Variants in C9orf50 observed in about 807,000 individuals in gnomAD.
C9orf50 encodes chromosome 9 open reading frame 50.
C9orf50 carries 33 observed loss-of-function variants against 42.5 expected under a neutral mutation model. The observed-to-expected ratio is 0.78, with a 90% confidence interval of 0.59 to 1.04. The LOEUF (loss-of-function observed/expected upper bound fraction) is 1.04, where lower values mean the gene tolerates loss of function less well. Ranked by LOEUF, C9orf50 falls within the 50% of genes least tolerant of loss-of-function variation. The probability of loss-of-function intolerance (pLI) is 0.00; values close to 1 mark genes in which losing one functional copy is unlikely to be tolerated. For synonymous variants in C9orf50, 257 were observed against 273.4 expected, an observed-to-expected ratio of 0.94 and a Z score of 0.59; for missense variants, 547 against 594.3, an observed-to-expected ratio of 0.92 and a Z score of 0.83.
rs533356766 is a variant in C9orf50, at chr9:129,614,150, A to G, written c.881-553T>C. Among the ~76,000 whole-genome samples the G allele has an allele frequency of 3.9e-5, 6 of 152,252 alleles. No homozygotes were observed. Among genetic ancestry groups the G allele is most frequent in the African/African-American group, 1.2e-4 (5 of 41,556 alleles). On this transcript the variant is annotated intron_variant, in intron 4 of 6. Coordinates refer to ENST00000372478, the Ensembl canonical transcript of C9orf50. The surrounding 1 kb of genome is among the most constrained non-coding windows in gnomAD (Gnocchi z 4.4). ...CCTGTATGCACCAACTGCCATTCAC[A>G]TGAAATTGTTTCTCTTGGGCTTGTC...
chr9:129,620,340 G>T lies in C9orf50; in HGVS notation c.235C>A (p.Arg79Ser). ...GTCGCGGTGAGCAAGGCGGGCAGGCGCGGCGGGAGGCGTCCGACGCCCACC... is the reference window on the plus strand; with the variant it reads ...GTCGCGGTGAGCAAGGCGGGCAGGCTCGGCGGGAGGCGTCCGACGCCCACC... Residue 79 changes from arginine to serine, a missense_variant, in exon 1 of 7, where the codon CGC becomes AGC. By Grantham distance (110) the Arg-to-Ser change is moderately radical. This residue lies in a region of C9orf50 where 108 missense variants were observed against 172.1 expected (regional missense o/e 0.63). Transcript: ENST00000372478. This position sits in a 1 kb window ranked among gnomAD's most constrained non-coding sequence, Gnocchi z 5.8. The T allele has an allele frequency of 8.1e-7, 1 of 1,229,710 alleles. No homozygotes were observed. The allele number at this position is 1,229,710 out of a possible 1,614,324, so 76.2% of individuals were successfully genotyped here. A position where few individuals can be genotyped will look rare whatever the true frequency, so the allele number is the denominator to read the frequency against.
chr9:129,617,350 GCT>G (rs1830442392), intron 3 of C9orf50, among the ~76,000 whole-genome samples: 1 of 152,200 alleles, frequency 6.6e-6, no homozygotes, highest in Non-Finnish European at 1.5e-5. Flanking sequence ...AGGAACCCCT[GCT>G]CTCTGCTGGC....
intron 3 of C9orf50, among the ~76,000 whole-genome samples, chr9:129,616,596 A>G (rs746581607): frequency 4.6e-5 from 7 of 152,086 alleles, no homozygotes; most frequent in Non-Finnish European, 7.4e-5. Context: ...GACTGTCTCC[A>G]AGTCTCCATT....
At position 129,619,499 on chromosome 9, in the gene C9orf50, C is replaced by T. The variant is rs1830561771; in HGVS notation, c.716+21G>A. The T allele has an allele frequency of 3.8e-6, 6 of 1,573,238 alleles. No homozygotes were observed. The East Asian group carries it at 1.3e-4, about 35-fold the overall frequency. On this transcript the variant is annotated intron_variant, in intron 3 of 6. Coordinates refer to ENST00000372478, the Ensembl canonical transcript of C9orf50. ...TGCCCCTTTCCTCCACTACCCTACCCTTATCCCGCCCATCACTCACTGGTT... is the reference window on the plus strand; with the variant it reads ...TGCCCCTTTCCTCCACTACCCTACCTTTATCCCGCCCATCACTCACTGGTT...
upstream of C9orf50, among the ~76,000 whole-genome samples, chr9:129,621,857 A>G (rs1030658726): frequency 6.6e-6 from 1 of 151,986 alleles, no homozygotes; most frequent in Non-Finnish European, 1.5e-5. Context: ...GGGGCCCTAG[A>G]AGGTCCTGTG....
chr9:129,612,532 C>T, intron 6 of C9orf50, 78 bp from the exon 7 acceptor site: 1 of 1,134,554 alleles, frequency 8.8e-7, no homozygotes, highest in Non-Finnish European at 1.3e-6. Context: ...GGATTCTGTG[C>T]TGAAGCCCTG....
chr9:129,621,072 A>G (rs1830684888), upstream of C9orf50, among the ~76,000 whole-genome samples: 1 of 152,358 alleles, frequency 6.6e-6, no homozygotes. Context: ...GCAGCCGTGA[A>G]ACGGCATCAC....
Position 129,613,652 on chromosome 9 carries a change from C to T in C9orf50, c.881-55G>A. The T allele has an allele frequency of 1.2e-6, 2 of 1,603,912 alleles. No individual in the cohort carries two copies. Among genetic ancestry groups the T allele is most frequent in the African/African-American group, 1.3e-5 (1 of 74,820 alleles). On this transcript the variant is annotated intron_variant, in intron 4 of 6. Transcript: ENST00000372478. The surrounding 1 kb of genome is among the most constrained non-coding windows in gnomAD (Gnocchi z 6.2). ...TGCCCAGGAGGAGGGCACTGGTGCC[C>T]CCACCCTCTTTTCCTCCCTCTGGCA... is the stretch of plus-strand genomic sequence containing the variant.
rs117566704 is a variant in C9orf50 at position 129,615,490 on chromosome 9, G to A, written c.874C>T (p.Arg292Cys). 278 of 1,595,138 alleles carry A rather than the reference G, an allele frequency of 1.7e-4. 2 individuals carry two copies. The African/African-American group carries it at 2.0e-3, about 12-fold the overall frequency. ...CCCCATCCTGTCTGCTTACCTGAGC[G>A]TCTGCGCTCCCAGTAGCGGAGCGTT... The change falls in exon 4 of 7, where the codon CGC (arginine) becomes TGC (cysteine). Residue 292 changes from arginine (R) to cysteine (C), a missense_variant. By Grantham distance (180) the Arg-to-Cys change is radical. This residue lies in a region of C9orf50 where 334 missense variants were observed against 323.7 expected (regional missense o/e 1.03). Transcript: ENST00000372478.
In C9orf50 at chr9:129,620,053, C is replaced by G. The variant is rs573286907; in HGVS notation, c.508+14G>C. The G allele has an allele frequency of 6.9e-7, 1 of 1,454,270 alleles. No individual in the cohort carries two copies. Among genetic ancestry groups the G allele is most frequent in the African/African-American group, 1.4e-5 (1 of 69,748 alleles). 90.1% of individuals were successfully genotyped at this position (1,454,270 alleles called of 1,614,324 possible). A position where few individuals can be genotyped will look rare whatever the true frequency, so the allele number is the denominator to read the frequency against. On this transcript the variant is annotated intron_variant, in intron 1 of 6. Transcript: ENST00000372478. This position sits in a 1 kb window ranked among gnomAD's most constrained non-coding sequence, Gnocchi z 5.8. ...ATGACTCGGGCCCGCCCCCCGGGCC[C>G]CGCGGGGCCTCACTCAGTGGCTCCG...
chr9:129,619,004 G>A (rs562406747), intron 3 of C9orf50, among the ~76,000 whole-genome samples: 3 of 151,368 alleles, frequency 2.0e-5, no homozygotes, highest in East Asian at 2.0e-4. Flanking sequence ...GTGAGCCACC[G>A]TGCCCTGCCG....
rs1019110235 is a variant in C9orf50 at position 129,613,651 on chromosome 9, C to T, written c.881-54G>A. On this transcript the variant is annotated intron_variant, in intron 4 of 6. Coordinates refer to ENST00000372478, the Ensembl canonical transcript of C9orf50. This position sits in a 1 kb window ranked among gnomAD's most constrained non-coding sequence, Gnocchi z 6.2. ...CTGCCCAGGAGGAGGGCACTGGTGC[C>T]CCCACCCTCTTTTCCTCCCTCTGGC... is the stretch of plus-strand genomic sequence containing the variant. 7 of 1,604,690 alleles carry T rather than the reference C, an allele frequency of 4.4e-6. No individual in the cohort carries two copies. The highest frequency in any genetic ancestry group is 6.0e-6 in the Non-Finnish European group (7 of 1,174,234).
chr9:129,612,323 C>A, exon 7 of C9orf50: 1 of 1,596,436 alleles, frequency 6.3e-7, no homozygotes, highest in Non-Finnish European at 8.6e-7. Context: ...CCATGTGTGC[C>A]CCTGGCCTTG....
chr9:129,619,760 A>G, exon 2 of C9orf50: 1 of 1,614,058 alleles, frequency 6.2e-7, no homozygotes, highest in Admixed American at 1.7e-5. Flanking sequence ...GGAGGAATGA[A>G]CAGTTGGGAC....
chr9:129,615,549 C>A, exon 4 of C9orf50: 1 of 1,610,660 alleles, frequency 6.2e-7, no homozygotes, highest in Non-Finnish European at 8.5e-7. Context: ...GAATCGCACC[C>A]GGAAAGGGCA....
In C9orf50 at chr9:129,613,239, C is replaced by A; in HGVS notation, c.1056G>T (p.Lys352Asn). ...TGTCCTCAGAAAGGTAGCCCTGTGT[C>A]TTCTGGGTGGACCTGGGGGAGACAG... Residue 352 changes from lysine to asparagine, a missense_variant, in exon 6 of 7, where the codon AAG becomes AAT. Around this residue, in one of 3 missense-constraint regions of C9orf50, gnomAD observed 334 missense variants for 323.7 expected, o/e 1.03. Transcript: ENST00000372478. The surrounding 1 kb of genome is among the most constrained non-coding windows in gnomAD (Gnocchi z 6.2). 1 of 1,608,376 alleles carries A rather than the reference C, an allele frequency of 6.2e-7. No individual in the cohort carries two copies.
intron 3 of C9orf50, among the ~76,000 whole-genome samples, chr9:129,617,043 G>A (rs1830427164): frequency 6.6e-6 from 1 of 151,972 alleles, no homozygotes; most frequent in Non-Finnish European, 1.5e-5. Flanking sequence ...CTCCAGCCTA[G>A]GGACGGAGTG....
chr9:129,612,792 T>A (rs1830152983), intron 6 of C9orf50, among the ~76,000 whole-genome samples: 2 of 151,952 alleles, frequency 1.3e-5, no homozygotes, highest in African/African-American at 2.4e-5. Context: ...ATTGCACCAC[T>A]GCACTCCAGC....
At chr9:129,615,965 T>G (rs1356538120) in intron 3 of C9orf50, among the ~76,000 whole-genome samples, 2 of 152,230 alleles carry the variant, frequency 1.3e-5, no homozygotes, top group Non-Finnish European at 2.9e-5. Context: ...AGCCAAGACC[T>G]GCATCCTGGT....
Sources: gnomAD v4.1 joint callset for allele counts (sites outside exome capture counted in the v4.1 genomes callset) on GRCh38, gnomAD v4.1.1 for gene constraint, gnomAD v4.1.1 regional missense constraint, Gnocchi (gnomAD v3.1) non-coding constraint, MANE v1.5 for transcripts, NCBI Gene and HGNC (gene_info 2026-07-23, HGNC 2026-07-21) for gene names.